FCHO2: variants seen among roughly 807,000 people sequenced by gnomAD.
FCHO2 encodes F-BAR domain only protein 2.
Under a neutral mutation model 114.1 loss-of-function variants are expected in FCHO2, and 43 were observed. That is an observed-to-expected ratio of 0.38 (90% CI 0.30 to 0.49). The LOEUF (loss-of-function observed/expected upper bound fraction) is 0.49, where lower values mean the gene tolerates loss of function less well. Ranked by LOEUF, FCHO2 falls within the 20% of genes least tolerant of loss-of-function variation. The pLI, the probability that FCHO2 is intolerant of heterozygous loss-of-function variation, is 0.97. For synonymous variants in FCHO2, 293 were observed against 315.2 expected, an observed-to-expected ratio of 0.93 and a Z score of 0.75; for missense variants, 807 against 950.4, an observed-to-expected ratio of 0.85 and a Z score of 1.98.
chr5:72,959,727 GA>G (rs1751745928), intron 1 of FCHO2, among the ~76,000 whole-genome samples: 1 of 151,612 alleles, frequency 6.6e-6, no homozygotes, highest in Admixed American at 6.6e-5. Flanking sequence ...GAGAACCTTT[GA>G]TGTTTTAGGT....
At chr5:72,997,478 G>A (rs1754183804) in intron 5 of FCHO2, 5 of 1,550,106 alleles carry the variant, frequency 3.2e-6, no homozygotes, top group Non-Finnish European at 8.9e-7. Flanking sequence ...TAACTCTCCA[G>A]GGGTTTACAG....
At chr5:73,049,105 T>C (rs1282914009) in intron 11 of FCHO2, among the ~76,000 whole-genome samples, 2 of 152,012 alleles carry the variant, frequency 1.3e-5, no homozygotes, top group African/African-American at 2.4e-5. Context: ...CTCGATCTCC[T>C]GACCTCGTGA....
intron 6 of FCHO2, among the ~76,000 whole-genome samples, chr5:73,009,920 T>C (rs912869763): frequency 2.0e-5 from 3 of 152,254 alleles, no homozygotes; most frequent in African/African-American, 4.8e-5. Context: ...TGGCATACTT[T>C]ACTAATGTGT....
chr5:73,087,990 TA>T, intron 25 of FCHO2, 77 bp from the exon 26 acceptor site: 2 of 1,579,700 alleles, frequency 1.3e-6, no homozygotes, highest in Non-Finnish European at 8.7e-7. Flanking sequence ...TAGAGTTTTG[TA>T]TTGGTAACCA....
At chr5:73,027,099 A>G (rs1259552585) in intron 8 of FCHO2, among the ~76,000 whole-genome samples, 1 of 149,566 alleles carries the variant, frequency 6.7e-6, no homozygotes, top group East Asian at 1.9e-4. Context: ...TTTGAATATT[A>G]AGGCACCTGT....
intron 11 of FCHO2, among the ~76,000 whole-genome samples, chr5:73,046,326 C>G (rs900842806): frequency 2.0e-5 from 3 of 152,136 alleles, no homozygotes; most frequent in Non-Finnish European, 2.9e-5. Flanking sequence ...TTGACCCCCC[C>G]AAAATGCTGG....
At chr5:72,958,481 A>G (rs1465264611) in intron 1 of FCHO2, among the ~76,000 whole-genome samples, 2 of 152,140 alleles carry the variant, frequency 1.3e-5, no homozygotes, top group Non-Finnish European at 2.9e-5. Context: ...TCAAATATCA[A>G]TCGACCAGAA....
chr5:73,061,309 A>T (rs1014095471), intron 17 of FCHO2, among the ~76,000 whole-genome samples: 6 of 152,100 alleles, frequency 3.9e-5, no homozygotes, highest in African/African-American at 1.4e-4. Context: ...TTTCTAATGT[A>T]CATACTTCTT....
intron 5 of FCHO2, chr5:72,997,704 A>T (rs1170159608): frequency 2.6e-6 from 4 of 1,522,848 alleles, no homozygotes; most frequent in Non-Finnish European, 2.7e-6. Context: ...AGCCCTTGGG[A>T]TACCGTTTGA....
intron 8 of FCHO2, among the ~76,000 whole-genome samples, chr5:73,033,432 C>T (rs1306657557): frequency 6.6e-6 from 1 of 152,016 alleles, no homozygotes; most frequent in African/African-American, 2.4e-5. Context: ...TTAGATCCCC[C>T]TATTTGTAGA....
chr5:73,070,023 A>G (rs566130966), intron 19 of FCHO2, among the ~76,000 whole-genome samples: 1 of 152,268 alleles, frequency 6.6e-6, no homozygotes, highest in East Asian at 1.9e-4. Context: ...GCACTAATTC[A>G]GTAGTAGTCA....
intron 6 of FCHO2, among the ~76,000 whole-genome samples, chr5:73,013,213 T>G (rs546790573): frequency 6.6e-6 from 1 of 152,202 alleles, no homozygotes; most frequent in South Asian, 2.1e-4. Context: ...TTGATTCAAG[T>G]TTTTGGGCTG....
intron 11 of FCHO2, among the ~76,000 whole-genome samples, chr5:73,045,193 CA>C (rs2112819026): frequency 6.6e-6 from 1 of 152,282 alleles, no homozygotes; most frequent in African/African-American, 2.4e-5. Context: ...CTAATTCAAT[CA>C]AAATAGGACA....
At chr5:72,975,842 G>A (rs1275378336) in intron 2 of FCHO2, among the ~76,000 whole-genome samples, 1 of 152,050 alleles carries the variant, frequency 6.6e-6, no homozygotes, top group Non-Finnish European at 1.5e-5. Flanking sequence ...ATATTTTGTT[G>A]TCTGGATGTA....
At chr5:73,047,850 A>G (rs1297060306) in intron 11 of FCHO2, among the ~76,000 whole-genome samples, 3 of 151,828 alleles carry the variant, frequency 2.0e-5, no homozygotes, top group Non-Finnish European at 4.4e-5. Context: ...TTATTTATTT[A>G]TTTCGAGACA....
At chr5:73,035,661 C>T (rs111548486) in intron 9 of FCHO2, among the ~76,000 whole-genome samples, 3 of 152,034 alleles carry the variant, frequency 2.0e-5, no homozygotes, top group African/African-American at 7.2e-5. Flanking sequence ...TGCCATCATG[C>T]CCAGCTAACT....
At chr5:73,036,147 T>C (rs1331075618) in intron 9 of FCHO2, among the ~76,000 whole-genome samples, 1 of 151,730 alleles carries the variant, frequency 6.6e-6, no homozygotes, top group Non-Finnish European at 1.5e-5. Context: ...CACCAGGCCT[T>C]AAGTGCTGAA....
At chr5:73,038,565 A>G (rs1383191150) in intron 10 of FCHO2, among the ~76,000 whole-genome samples, 2 of 152,146 alleles carry the variant, frequency 1.3e-5, no homozygotes, top group Non-Finnish European at 2.9e-5. Context: ...TTTGATGGGC[A>G]CTCATATTTT....
At chr5:73,065,467 A>C (rs1211312003) in intron 18 of FCHO2, among the ~76,000 whole-genome samples, 2 of 152,066 alleles carry the variant, frequency 1.3e-5, no homozygotes, top group African/African-American at 4.8e-5. Context: ...TATAGTTAAA[A>C]GTACAAGCTT....
Sources: allele counts gnomAD v4.1 joint callset (sites outside exome capture counted in the v4.1 genomes callset), GRCh38; gene constraint gnomAD v4.1.1; transcripts MANE v1.5; gene names NCBI Gene and HGNC (gene_info 2026-07-23, HGNC 2026-07-21).